Variants in EYA2 observed in about 807,000 individuals in gnomAD.
EYA2 encodes protein phosphatase EYA2.
A neutral mutation model predicts 69.2 loss-of-function variants in EYA2; 31 were observed. The observed-to-expected ratio is 0.45, with a 90% CI of 0.34 to 0.60. EYA2 has a LOEUF of 0.60. Among genes scored for constraint, EYA2 ranks in the 20% least tolerant of loss-of-function variants. The pLI is 0.02. For missense variants in EYA2, 622 were observed against 701.2 expected (o/e 0.89, Z 1.28); for synonymous variants, 257 against 279.4 (o/e 0.92, Z 0.80).
At chr20:47,173,407 C>A (rs1176867588) in intron 12 of EYA2, among the ~76,000 whole-genome samples, 1 of 151,246 alleles carries the variant, frequency 6.6e-6, no homozygotes, top group Non-Finnish European at 1.5e-5. Context: ...CATCAGCATC[C>A]CCCGGAGCTG....
At chr20:47,164,444 G>T (rs181017305) in intron 10 of EYA2, among the ~76,000 whole-genome samples, 2 of 152,212 alleles carry the variant, frequency 1.3e-5, no homozygotes, top group African/African-American at 4.8e-5. Context: ...GTGACCCCAG[G>T]AGTGGCTCCA....
intron 5 of EYA2, among the ~76,000 whole-genome samples, chr20:47,055,546 A>C (rs190147877): frequency 6.6e-6 from 1 of 152,310 alleles, no homozygotes; most frequent in East Asian, 1.9e-4. Flanking sequence ...AGCACCGTGC[A>C]GTTCCTGATG....
At chr20:46,923,684 C>T (rs946287741) in intron 1 of EYA2, among the ~76,000 whole-genome samples, 1 of 152,060 alleles carries the variant, frequency 6.6e-6, no homozygotes, top group Admixed American at 6.6e-5. Context: ...AAATAATACA[C>T]GTGTGCTGGG....
intron 8 of EYA2, among the ~76,000 whole-genome samples, chr20:47,094,976 T>A (rs1020878779): frequency 3.3e-5 from 5 of 152,026 alleles, no homozygotes; most frequent in Non-Finnish European, 5.9e-5. Context: ...TAGGCTGCAG[T>A]GAGTGATGAT....
At chr20:46,932,466 G>A (rs1476715210) in intron 1 of EYA2, among the ~76,000 whole-genome samples, 3 of 152,206 alleles carry the variant, frequency 2.0e-5, no homozygotes, top group Non-Finnish European at 4.4e-5. Flanking sequence ...ATCTCATCTT[G>A]AATTGTAATT....
At chr20:47,063,429 G>T (rs1016662878) in intron 5 of EYA2, among the ~76,000 whole-genome samples, 1 of 134,416 alleles carries the variant, frequency 7.4e-6, no homozygotes, top group Non-Finnish European at 1.6e-5. Flanking sequence ...GTGTGTGTGT[G>T]TTTTGAGACA....
At chr20:47,010,837 G>A (rs1170494004) in intron 4 of EYA2, among the ~76,000 whole-genome samples, 1 of 150,538 alleles carries the variant, frequency 6.6e-6, no homozygotes, top group African/African-American at 2.5e-5. Context: ...TCCCAGGTTG[G>A]AGTGCAGTGG....
chr20:47,021,272 G>T (rs1191538619), intron 5 of EYA2, among the ~76,000 whole-genome samples: 1 of 152,150 alleles, frequency 6.6e-6, no homozygotes, highest in Non-Finnish European at 1.5e-5. Flanking sequence ...ACTAATCTGA[G>T]ACTGTGGGAC....
intron 5 of EYA2, among the ~76,000 whole-genome samples, chr20:47,039,585 A>G (rs1467175450): frequency 6.6e-6 from 1 of 152,214 alleles, no homozygotes; most frequent in African/African-American, 2.4e-5. Flanking sequence ...GGGCATGCAT[A>G]TACCTACAAT....
chr20:47,086,181 T>G (rs751805813), intron 7 of EYA2, among the ~76,000 whole-genome samples: 3 of 152,154 alleles, frequency 2.0e-5, no homozygotes, highest in Non-Finnish European at 2.9e-5. Context: ...GACTGGGTAA[T>G]TTATAAAGAA....
In EYA2 at chr20:46,995,345, AAG is replaced by A. The variant is rs199731175; in HGVS notation, c.109+5229_109+5230del. Among the ~76,000 whole-genome samples the A allele has an allele frequency of 9.3e-5, 14 of 151,284 alleles. No homozygotes were observed. In the East Asian group the frequency reaches 2.3e-3, roughly 25 times the overall value. ...AATTAATTTGCAACGATTTCAATCA[AAG>A]AGGGAGTATTTATAGACTCCCTAAA... On this transcript the variant is annotated intron_variant, in intron 2 of 15. Transcript: ENST00000327619.
chr20:47,021,037 A>G (rs1019960144), intron 5 of EYA2, among the ~76,000 whole-genome samples: 1 of 152,144 alleles, frequency 6.6e-6, no homozygotes, highest in South Asian at 2.1e-4. Flanking sequence ...GGACACTAAG[A>G]GTACTTTACT....
chr20:46,908,241 TA>T (rs1984458615), intron 1 of EYA2, among the ~76,000 whole-genome samples: 1 of 152,088 alleles, frequency 6.6e-6, no homozygotes, highest in Non-Finnish European at 1.5e-5. Flanking sequence ...AGAGAGAAAA[TA>T]AACACATATG....
chr20:46,947,734 A>C (rs1472782332), intron 1 of EYA2, among the ~76,000 whole-genome samples: 2 of 152,332 alleles, frequency 1.3e-5, no homozygotes, highest in East Asian at 3.9e-4. Flanking sequence ...AGCAGCTCAC[A>C]TGACCATAAC....
At chr20:46,908,224 A>C (rs1330771151) in intron 1 of EYA2, among the ~76,000 whole-genome samples, 1 of 152,246 alleles carries the variant, frequency 6.6e-6, no homozygotes, top group Non-Finnish European at 1.5e-5. Context: ...AGCCACAGTT[A>C]AGTAGGAGAG....
At chr20:46,899,671 C>G (rs1007333) in intron 1 of EYA2, among the ~76,000 whole-genome samples, 1 of 152,064 alleles carries the variant, frequency 6.6e-6, no homozygotes, top group Non-Finnish European at 1.5e-5. Context: ...CAGGTGGTGC[C>G]GAGAGTCAGG....
At chr20:46,935,332 C>A (rs116569633) in intron 1 of EYA2, among the ~76,000 whole-genome samples, 1 of 152,290 alleles carries the variant, frequency 6.6e-6, no homozygotes, top group Non-Finnish European at 1.5e-5. Flanking sequence ...GCTGTGTGAC[C>A]TGCCGCACCT....
intron 1 of EYA2, among the ~76,000 whole-genome samples, chr20:46,936,400 G>A (rs966231594): frequency 6.6e-6 from 1 of 152,186 alleles, no homozygotes; most frequent in African/African-American, 2.4e-5. Flanking sequence ...GAACCCGGGA[G>A]GCAGAGGTTG....
chr20:47,099,446 G>A (rs566507999), intron 9 of EYA2, among the ~76,000 whole-genome samples: 165 of 152,338 alleles, frequency 1.1e-3, no homozygotes, highest in Non-Finnish European at 1.8e-3. Context: ...AGGGAGGATC[G>A]CTTGAGCCTG....
Sources: gnomAD v4.1 joint callset for allele counts (sites outside exome capture counted in the v4.1 genomes callset) on GRCh38, gnomAD v4.1.1 for gene constraint, MANE v1.5 for transcripts, NCBI Gene and HGNC (gene_info 2026-07-23, HGNC 2026-07-21) for gene names.